The following CACNG2 variants were observed in gnomAD, a reference collection of about 807,000 sequenced individuals.
The protein encoded by CACNG2 is calcium voltage-gated channel auxiliary subunit gamma 2.
Under a neutral mutation model 25.9 loss-of-function variants are expected in CACNG2, and 3 were observed. The ratio of observed to expected loss-of-function variants is 0.12; its 90% CI spans 0.05 to 0.30. The LOEUF is 0.30. Among genes scored for constraint, CACNG2 ranks in the 10% least tolerant of loss-of-function variants. The pLI, the probability that CACNG2 is intolerant of heterozygous loss-of-function variation, is 1.00. For synonymous variants in CACNG2, 167 were observed against 173.3 expected, an observed-to-expected ratio of 0.96 and a Z score of 0.29; for missense variants, 341 against 432.5, an observed-to-expected ratio of 0.79 and a Z score of 1.88.
intron 1 of CACNG2, among the ~76,000 whole-genome samples, chr22:36,646,524 T>C (rs1936526760): frequency 6.6e-6 from 1 of 152,174 alleles, no homozygotes. Context: ...TAAAATCCCA[T>C]CAAATCCAAG....
At chr22:36,607,687 T>G (rs1001383996) in intron 1 of CACNG2, among the ~76,000 whole-genome samples, 1 of 152,184 alleles carries the variant, frequency 6.6e-6, no homozygotes, top group Admixed American at 6.5e-5. Context: ...AGGATGCCCA[T>G]GTAGCCACAT....
chr22:36,589,307 A>ATG (rs367999977), intron 1 of CACNG2, among the ~76,000 whole-genome samples: 41 of 151,646 alleles, frequency 2.7e-4, no homozygotes, highest in Non-Finnish European at 4.4e-4. Context: ...ATATATATAT[A>ATG]TGTGTGTGTG....
chr22:36,665,849 C>A (rs1459483302), intron 1 of CACNG2, among the ~76,000 whole-genome samples: 1 of 152,224 alleles, frequency 6.6e-6, no homozygotes. Context: ...CCACATGATG[C>A]AGCCATTCCA....
At chr22:36,596,562 A>T (rs1935681415) in intron 1 of CACNG2, among the ~76,000 whole-genome samples, 1 of 152,100 alleles carries the variant, frequency 6.6e-6, no homozygotes, top group Admixed American at 6.5e-5. Context: ...TCGAATGCCT[A>T]CTGTGTGCTA....
rs1462631398 is a variant in CACNG2, at chr22:36,563,474, G to A, written c.*877C>T. Among the ~76,000 whole-genome samples the A allele has an allele frequency of 1.3e-5, 2 of 152,082 alleles. No individual in the cohort carries two copies. Among genetic ancestry groups the A allele is most frequent in the African/African-American group, 4.8e-5 (2 of 41,416 alleles). ...GTTTCCGGCATCTTGGTAAGCCACCGGCAGCCTCCCCTCTCCTTCCCTTTC... is the reference window on the plus strand; with the variant it reads ...GTTTCCGGCATCTTGGTAAGCCACCAGCAGCCTCCCCTCTCCTTCCCTTTC... On this transcript the variant is annotated 3_prime_UTR_variant, in exon 4 of 4. Coordinates refer to ENST00000300105, the MANE Select transcript of CACNG2 (RefSeq NM_006078.5).
intron 1 of CACNG2, among the ~76,000 whole-genome samples, chr22:36,631,922 C>T (rs991046128): frequency 1.2e-4 from 18 of 152,060 alleles, no homozygotes; most frequent in African/African-American, 3.9e-4. Context: ...CTCCAATGCT[C>T]ATGCCCTTCT....
intron 1 of CACNG2, among the ~76,000 whole-genome samples, chr22:36,595,117 GTGTC>G (rs1487423656): frequency 6.6e-6 from 1 of 151,216 alleles, no homozygotes; most frequent in East Asian, 1.9e-4. Context: ...GGGTGTGTGT[GTGTC>G]TATGTGTGTG....
chr22:36,602,893 A>T (rs1935776261), intron 1 of CACNG2, among the ~76,000 whole-genome samples: 2 of 151,916 alleles, frequency 1.3e-5, no homozygotes, highest in African/African-American at 4.8e-5. Flanking sequence ...TCTCTAAGAC[A>T]TGACAATACT....
intron 1 of CACNG2, among the ~76,000 whole-genome samples, chr22:36,651,222 T>G (rs1264047069): frequency 8.4e-6 from 1 of 118,972 alleles, no homozygotes; most frequent in Admixed American, 1.0e-4. Context: ...TTCTTCTTCC[T>G]CCTTTTTTTT....
chr22:36,682,019 G>T (rs376762092), intron 1 of CACNG2, among the ~76,000 whole-genome samples: 1 of 152,208 alleles, frequency 6.6e-6, no homozygotes, highest in African/African-American at 2.4e-5. Flanking sequence ...GTGCTCAGCC[G>T]TCAGGAGACT....
intron 2 of CACNG2, among the ~76,000 whole-genome samples, chr22:36,572,383 C>T (rs181062094): frequency 6.6e-6 from 1 of 152,330 alleles, no homozygotes; most frequent in East Asian, 1.9e-4. Context: ...AGTTGTAGCA[C>T]ATAAACAGCC....
At chr22:36,593,304 T>A (rs1935624955) in intron 1 of CACNG2, among the ~76,000 whole-genome samples, 1 of 152,126 alleles carries the variant, frequency 6.6e-6, no homozygotes, top group Non-Finnish European at 1.5e-5. Context: ...TCTGCAAGGA[T>A]GATAACGGGA....
chr22:36,561,909 C>G lies in CACNG2; in HGVS notation c.*2442G>C, dbSNP rs549352089. The G allele has an allele frequency of 6.6e-6, 1 of 152,262 alleles. No homozygotes were observed. The highest frequency in any genetic ancestry group is 6.5e-5 in the Admixed American group (1 of 15,286). 9.4% of individuals were successfully genotyped at this position (152,262 alleles called of 1,614,324 possible). A position where few individuals can be genotyped will look rare whatever the true frequency, so the allele number is the denominator to read the frequency against. The stretch of plus-strand genomic sequence containing the variant: ...GGGATGGAACTGCTAAAATTTTCCT[C>G]TCCATTCCCTCAGCCTTGAGCCCTC... On this transcript the variant is annotated 3_prime_UTR_variant, in exon 4 of 4. Coordinates refer to ENST00000300105, the MANE Select transcript of CACNG2 (RefSeq NM_006078.5).
chr22:36,599,564 G>A (rs1032096999), intron 1 of CACNG2, among the ~76,000 whole-genome samples: 2 of 152,096 alleles, frequency 1.3e-5, no homozygotes, highest in African/African-American at 4.8e-5. Flanking sequence ...GCCAAGCATG[G>A]TGGTGCACAC....
At chr22:36,657,686 CTTTT>C (rs550408330) in intron 1 of CACNG2, among the ~76,000 whole-genome samples, 2 of 148,092 alleles carry the variant, frequency 1.4e-5, no homozygotes, top group Non-Finnish European at 3.0e-5. Flanking sequence ...AATCCTAGAA[CTTTT>C]TTTTTTTCTG....
intron 1 of CACNG2, among the ~76,000 whole-genome samples, chr22:36,663,611 T>C (rs747746657): frequency 9.2e-5 from 14 of 152,320 alleles, no homozygotes; most frequent in Middle Eastern, 3.4e-3. Context: ...CCTTTAATCT[T>C]TATTAATGCG....
chr22:36,648,297 G>T (rs1020549055), intron 1 of CACNG2, among the ~76,000 whole-genome samples: 1 of 152,188 alleles, frequency 6.6e-6, no homozygotes, highest in Non-Finnish European at 1.5e-5. Flanking sequence ...TTTAAAAAGA[G>T]CATATGCTCT....
At chr22:36,685,356 C>T (rs1159745027) in intron 1 of CACNG2, among the ~76,000 whole-genome samples, 1 of 152,196 alleles carries the variant, frequency 6.6e-6, no homozygotes, top group Admixed American at 6.5e-5. Context: ...TTCTCACGCT[C>T]TTTCCCCACC....
intron 1 of CACNG2, among the ~76,000 whole-genome samples, chr22:36,596,640 A>T (rs1290293836): frequency 6.6e-6 from 1 of 152,064 alleles, no homozygotes; most frequent in Non-Finnish European, 1.5e-5. Flanking sequence ...TGCTCCTTCC[A>T]TTGGCTCTGA....
Sources: gnomAD v4.1 joint callset for allele counts (sites outside exome capture counted in the v4.1 genomes callset) on GRCh38, gnomAD v4.1.1 for gene constraint, MANE v1.5 for transcripts, NCBI Gene and HGNC (gene_info 2026-07-23, HGNC 2026-07-21) for gene names.